Variants in C12orf42 observed in about 807,000 individuals in gnomAD.
C12orf42 encodes uncharacterized protein C12orf42.
C12orf42 carries 25 observed loss-of-function variants against 21.6 expected under a neutral mutation model. The observed-to-expected ratio is 1.16, with a 90% confidence interval of 0.84 to 1.62. C12orf42 has a LOEUF of 1.62. Ranked by LOEUF, C12orf42 falls within the 40% of genes most tolerant of loss-of-function variation. The pLI is 0.00. For synonymous variants in C12orf42, 174 were observed against 175.0 expected (o/e 0.99, Z 0.05); for missense variants, 483 against 459.3 (o/e 1.05, Z -0.47).
the C12orf42 span, among the ~76,000 whole-genome samples, chr12:103,528,907 G>A: frequency 6.6e-6 from 1 of 152,162 alleles, no homozygotes; most frequent in Non-Finnish European, 1.5e-5. Context: ...AGACAATGAG[G>A]AAACCAAGGC....
At chr12:103,147,705 G>T in the C12orf42 span, among the ~76,000 whole-genome samples, 3 of 150,430 alleles carry the variant, frequency 2.0e-5, no homozygotes, top group Non-Finnish European at 2.9e-5. Context: ...TGTGAGGCTG[G>T]TGTTCACTTG....
intron 2 of C12orf42, among the ~76,000 whole-genome samples, chr12:103,423,783 A>G (rs1423564831): frequency 6.6e-6 from 1 of 152,194 alleles, no homozygotes; most frequent in Admixed American, 6.5e-5. Context: ...AAATTTAATG[A>G]GTTTCAAAAA....
intron 5 of C12orf42, among the ~76,000 whole-genome samples, chr12:103,271,129 C>G (rs963356565): frequency 1.3e-5 from 2 of 152,118 alleles, no homozygotes; most frequent in African/African-American, 4.8e-5. Flanking sequence ...TTTTTGCAAG[C>G]CACAGTGACC....
chr12:103,141,326 G>A, the C12orf42 span, among the ~76,000 whole-genome samples: 1 of 152,102 alleles, frequency 6.6e-6, no homozygotes, highest in Non-Finnish European at 1.5e-5. Context: ...TGTCAGTAAA[G>A]AACCCCAAAT....
At chr12:103,057,980 A>AGAG in the C12orf42 span, among the ~76,000 whole-genome samples, 1 of 147,546 alleles carries the variant, frequency 6.8e-6, no homozygotes, top group African/African-American at 2.5e-5. Flanking sequence ...TTTTTTTGAC[A>AGAG]GAGTCTCACT....
chr12:103,076,151 G>A, the C12orf42 span, among the ~76,000 whole-genome samples: 1 of 151,992 alleles, frequency 6.6e-6, no homozygotes, highest in African/African-American at 2.4e-5. Context: ...GTTGATGGGT[G>A]CAGCAAACCA....
the C12orf42 span, among the ~76,000 whole-genome samples, chr12:103,163,381 T>G: frequency 6.6e-6 from 1 of 152,212 alleles, no homozygotes; most frequent in Non-Finnish European, 1.5e-5. Context: ...AAGTCTGGCT[T>G]TAAGGAGTAA....
chr12:103,531,340 G>A, the C12orf42 span, among the ~76,000 whole-genome samples: 30 of 152,090 alleles, frequency 2.0e-4, no homozygotes. Flanking sequence ...TGATCAAAAA[G>A]GGTCCTAAAA....
chr12:103,393,413 A>G (rs1411379718), intron 3 of C12orf42, among the ~76,000 whole-genome samples: 1 of 152,132 alleles, frequency 6.6e-6, no homozygotes, highest in African/African-American at 2.4e-5. Flanking sequence ...GCGATGAGGG[A>G]TCCACGTCCA....
chr12:103,307,928 T>A (rs753797549), intron 4 of C12orf42, among the ~76,000 whole-genome samples: 7 of 152,190 alleles, frequency 4.6e-5, no homozygotes, highest in Non-Finnish European at 1.0e-4. Flanking sequence ...GATTCTTGCT[T>A]CCATATAAAT....
the C12orf42 span, among the ~76,000 whole-genome samples, chr12:103,509,027 T>C: frequency 6.6e-6 from 1 of 152,222 alleles, no homozygotes; most frequent in Non-Finnish European, 1.5e-5. Flanking sequence ...AGAGGCAAAC[T>C]GAGGCATAAG....
At chr12:103,096,347 C>T in the C12orf42 span, among the ~76,000 whole-genome samples, 13 of 151,834 alleles carry the variant, frequency 8.6e-5, no homozygotes, top group Non-Finnish European at 5.9e-5. Context: ...AAATGGCTAT[C>T]ATTTGAATAA....
At chr12:103,491,341 T>G (rs1014268008) in intron 1 of C12orf42, among the ~76,000 whole-genome samples, 2 of 152,236 alleles carry the variant, frequency 1.3e-5, no homozygotes, top group Non-Finnish European at 2.9e-5. Context: ...ATTGAATCTC[T>G]ATATGTACTA....
Position 103,395,581 on chromosome 12 carries a change from C to T in C12orf42, c.147+6026G>A, listed in dbSNP as rs79793241. Among the ~76,000 whole-genome samples, 1,515 of 152,202 alleles carry T rather than the reference C, an allele frequency of 1.0e-2. 137 individuals are homozygous for T. The East Asian group carries it at 0.2, about 20-fold the overall frequency. ...CGATCTCCTGACCGAGCGATCTGCCCGCCTCGGCCTCCCAAAGAGCTGGGA... is the reference window on the plus strand; with the variant it reads ...CGATCTCCTGACCGAGCGATCTGCCTGCCTCGGCCTCCCAAAGAGCTGGGA... On this transcript the variant is annotated intron_variant, in intron 3 of 5. Transcript: ENST00000548883.
chr12:103,052,771 C>T, the C12orf42 span, among the ~76,000 whole-genome samples: 1 of 151,968 alleles, frequency 6.6e-6, no homozygotes, highest in African/African-American at 2.4e-5. Flanking sequence ...TCATCCAGAG[C>T]GTTACTATTT....
intron 2 of C12orf42, among the ~76,000 whole-genome samples, chr12:103,467,073 G>A (rs1953198628): frequency 1.3e-5 from 2 of 152,266 alleles, no homozygotes; most frequent in Admixed American, 6.5e-5. Context: ...CAAAGTAGCT[G>A]AACCTCTCAA....
the C12orf42 span, among the ~76,000 whole-genome samples, chr12:103,101,669 T>G: frequency 6.6e-6 from 1 of 152,204 alleles, no homozygotes; most frequent in Admixed American, 6.5e-5. Flanking sequence ...TGCCTCAAAA[T>G]TAATGTCTGT....
At chr12:103,324,969 G>C (rs1382457348) in intron 4 of C12orf42, among the ~76,000 whole-genome samples, 1 of 152,196 alleles carries the variant, frequency 6.6e-6, no homozygotes, top group Non-Finnish European at 1.5e-5. Context: ...ACTGAAGGAA[G>C]ATATAATTTG....
At chr12:103,148,234 C>G in the C12orf42 span, among the ~76,000 whole-genome samples, 1 of 152,096 alleles carries the variant, frequency 6.6e-6, no homozygotes, top group East Asian at 1.9e-4. Flanking sequence ...ATTTTAGGTT[C>G]TTACAATTAA....
Sources: gnomAD v4.1 joint callset for allele counts (sites outside exome capture counted in the v4.1 genomes callset) on GRCh38, gnomAD v4.1.1 for gene constraint, MANE v1.5 for transcripts, NCBI Gene and HGNC (gene_info 2026-07-23, HGNC 2026-07-21) for gene names.